SGCZ: variants seen among roughly 807,000 people sequenced by gnomAD.
The protein encoded by SGCZ is sarcoglycan zeta, also known as zeta-sarcoglycan.
Under a neutral mutation model 41.3 loss-of-function variants are expected in SGCZ, and 40 were observed. The ratio of observed to expected loss-of-function variants is 0.97; its 90% CI spans 0.75 to 1.26. The LOEUF is 1.26. Among genes scored for constraint, SGCZ ranks in the 50% most tolerant of loss-of-function variants. The probability of loss-of-function intolerance (pLI) is 0.00; values close to 1 mark genes in which losing one functional copy is unlikely to be tolerated. For synonymous variants in SGCZ, 206 were observed against 137.5 expected, an observed-to-expected ratio of 1.50 and a Z score of -3.49; for missense variants, 552 against 369.8, an observed-to-expected ratio of 1.49 and a Z score of -4.04.
intron 2 of SGCZ, among the ~76,000 whole-genome samples, chr8:14,533,654 G>A (rs1030722389): frequency 6.6e-6 from 1 of 151,852 alleles, no homozygotes; most frequent in Non-Finnish European, 1.5e-5. Flanking sequence ...CTCTTTTCTG[G>A]TATTCAAGTG....
intron 2 of SGCZ, among the ~76,000 whole-genome samples, chr8:14,368,218 T>A (rs1201931312): frequency 6.6e-6 from 1 of 152,026 alleles, no homozygotes; most frequent in Non-Finnish European, 1.5e-5. Context: ...TATATGTGAG[T>A]GTATTTCAAT....
chr8:14,110,942 T>A (rs1241039073), intron 5 of SGCZ, among the ~76,000 whole-genome samples: 1 of 151,996 alleles, frequency 6.6e-6, no homozygotes, highest in Admixed American at 6.6e-5. Context: ...TAGTCCCAGC[T>A]GCTTGGGAGG....
chr8:14,252,812 G>C (rs1324249825), intron 3 of SGCZ, among the ~76,000 whole-genome samples: 1 of 152,120 alleles, frequency 6.6e-6, no homozygotes, highest in African/African-American at 2.4e-5. Flanking sequence ...GTCTCTAAGG[G>C]AAATTCTGAT....
chr8:14,548,494 A>G (rs12542565), intron 2 of SGCZ, among the ~76,000 whole-genome samples: 13,992 of 152,232 alleles, frequency 0.092, 941 homozygotes, highest in East Asian at 0.34. Context: ...GAGAAAAATG[A>G]ATGCTTACAG....
At chr8:14,556,286 G>T (rs191346263) in intron 1 of SGCZ, among the ~76,000 whole-genome samples, 1 of 150,900 alleles carries the variant, frequency 6.6e-6, no homozygotes, top group African/African-American at 2.4e-5. Context: ...ATTAAATGAC[G>T]AATCTAACAT....
At chr8:15,058,711 C>G (rs536828935) in intron 1 of SGCZ, among the ~76,000 whole-genome samples, 44 of 152,172 alleles carry the variant, frequency 2.9e-4, no homozygotes, top group Non-Finnish European at 5.0e-4. Context: ...CCTGTCAACA[C>G]TTTTTGTGTT....
chr8:14,570,854 C>G (rs1804529269), intron 1 of SGCZ, among the ~76,000 whole-genome samples: 1 of 152,060 alleles, frequency 6.6e-6, no homozygotes, highest in South Asian at 2.1e-4. Flanking sequence ...TTGAAAACAA[C>G]TTTCAATCAG....
intron 2 of SGCZ, among the ~76,000 whole-genome samples, chr8:14,551,516 T>TAATA (rs1554537371): frequency 9.8e-5 from 1 of 10,190 alleles, no homozygotes; most frequent in Non-Finnish European, 1.6e-4. Flanking sequence ...ATTATATATA[T>TAATA]TATATATAAT....
chr8:15,144,890 T>C (rs1157737931), intron 1 of SGCZ, among the ~76,000 whole-genome samples: 1 of 152,246 alleles, frequency 6.6e-6, no homozygotes, highest in Non-Finnish European at 1.5e-5. Flanking sequence ...ATTGTGGTGC[T>C]GTATGTAACC....
At chr8:14,198,454 G>C (rs59105600) in intron 4 of SGCZ, among the ~76,000 whole-genome samples, 78,325 of 151,980 alleles carry the variant, frequency 0.52, 21,381 homozygotes, top group East Asian at 0.76. Context: ...GGGAAGAAAG[G>C]AGAGAGCCAA....
chr8:14,422,055 G>T (rs1159579064), intron 2 of SGCZ, among the ~76,000 whole-genome samples: 2 of 152,078 alleles, frequency 1.3e-5, no homozygotes, highest in African/African-American at 2.4e-5. Flanking sequence ...AATACTCAAA[G>T]TTCCTTGATA....
At chr8:14,871,179 C>A (rs1804135338) in intron 1 of SGCZ, among the ~76,000 whole-genome samples, 1 of 151,942 alleles carries the variant, frequency 6.6e-6, no homozygotes, top group African/African-American at 2.4e-5. Context: ...TGCACTCCAG[C>A]CTGGGCAACA....
chr8:14,736,001 T>C (rs769137086), intron 1 of SGCZ, among the ~76,000 whole-genome samples: 1 of 152,138 alleles, frequency 6.6e-6, no homozygotes, highest in African/African-American at 2.4e-5. Flanking sequence ...AGTATGGAGA[T>C]TGTAAGCAGG....
chr8:14,527,845 G>A (rs1390386566), intron 2 of SGCZ, among the ~76,000 whole-genome samples: 1 of 151,950 alleles, frequency 6.6e-6, no homozygotes, highest in Non-Finnish European at 1.5e-5. Flanking sequence ...ATATTGCTGA[G>A]GTGATCATTG....
At chr8:14,552,550 A>G (rs986573208) in intron 2 of SGCZ, among the ~76,000 whole-genome samples, 1 of 152,050 alleles carries the variant, frequency 6.6e-6, no homozygotes, top group African/African-American at 2.4e-5. Flanking sequence ...AATAAATACC[A>G]ACACTCCTAT....
chr8:14,795,819 T>A (rs1011485094), intron 1 of SGCZ, among the ~76,000 whole-genome samples: 1 of 152,108 alleles, frequency 6.6e-6, no homozygotes, highest in Non-Finnish European at 1.5e-5. Context: ...ATCCTCTTCC[T>A]CCTCCCACCC....
At chr8:14,131,441 A>G (rs1451656533) in intron 5 of SGCZ, among the ~76,000 whole-genome samples, 1 of 152,052 alleles carries the variant, frequency 6.6e-6, no homozygotes, top group Non-Finnish European at 1.5e-5. Context: ...ACTTTTAGCA[A>G]TTTCTGTATG....
chr8:14,136,928 GC>G, intron 5 of SGCZ, among the ~76,000 whole-genome samples: 1 of 152,136 alleles, frequency 6.6e-6, no homozygotes, highest in Non-Finnish European at 1.5e-5. Flanking sequence ...TACAGCAGGT[GC>G]CCCTCTGAGA....
intron 1 of SGCZ, among the ~76,000 whole-genome samples, chr8:15,216,548 G>A (rs182231877): frequency 2.6e-5 from 4 of 151,878 alleles, no homozygotes; most frequent in African/African-American, 4.8e-5. Flanking sequence ...GATGTTGGAC[G>A]TAACAAAGAC....
Sources: allele counts gnomAD v4.1 joint callset (sites outside exome capture counted in the v4.1 genomes callset), GRCh38; gene constraint gnomAD v4.1.1; transcripts MANE v1.5; gene names NCBI Gene and HGNC (gene_info 2026-07-23, HGNC 2026-07-21).